SEMA3E: variants seen among roughly 807,000 people sequenced by gnomAD.
SEMA3E encodes semaphorin 3E, also known as semaphorin-3E.
In SEMA3E, 49 loss-of-function variants were observed where a neutral mutation model predicts 93.6. That is an observed-to-expected ratio of 0.52 (90% CI 0.42 to 0.66). The LOEUF (loss-of-function observed/expected upper bound fraction) is 0.66. Ranked by LOEUF, SEMA3E falls within the 30% of genes least tolerant of loss-of-function variation. SEMA3E has a pLI of 0.00. For synonymous variants in SEMA3E, 363 were observed against 330.7 expected, an observed-to-expected ratio of 1.10 and a Z score of -1.06; for missense variants, 906 against 964.8, an observed-to-expected ratio of 0.94 and a Z score of 0.81.
chr7:83,488,444 A>T (rs144764885), intron 2 of SEMA3E, among the ~76,000 whole-genome samples: 1 of 152,256 alleles, frequency 6.6e-6, no homozygotes, highest in Non-Finnish European at 1.5e-5. Context: ...TTACAACCAA[A>T]ACTTTGAAAT....
chr7:83,647,448 T>C (rs935980574), intron 1 of SEMA3E, among the ~76,000 whole-genome samples: 2 of 152,166 alleles, frequency 1.3e-5, no homozygotes, highest in Non-Finnish European at 2.9e-5. Context: ...TTACATCTGC[T>C]ATCTGTCTCA....
At chr7:83,434,660 G>T (rs186046983) in intron 4 of SEMA3E, among the ~76,000 whole-genome samples, 353 of 151,474 alleles carry the variant, frequency 2.3e-3, no homozygotes, top group Non-Finnish European at 4.2e-3. Flanking sequence ...CCACACTTTG[G>T]CAGAATTGGC....
chr7:83,571,592 C>A (rs1206730608), intron 1 of SEMA3E, among the ~76,000 whole-genome samples: 1 of 152,102 alleles, frequency 6.6e-6, no homozygotes, highest in Non-Finnish European at 1.5e-5. Context: ...TAAGAGCAAT[C>A]TATGACAAAC....
intron 1 of SEMA3E, among the ~76,000 whole-genome samples, chr7:83,620,829 T>C (rs1384004647): frequency 6.6e-6 from 1 of 152,158 alleles, no homozygotes; most frequent in Non-Finnish European, 1.5e-5. Context: ...AAACTAGATA[T>C]TGAAGTAACA....
chr7:83,478,342 T>C (rs1790066216), intron 2 of SEMA3E, among the ~76,000 whole-genome samples: 1 of 152,208 alleles, frequency 6.6e-6, no homozygotes, highest in Non-Finnish European at 1.5e-5. Context: ...AAATATGAAA[T>C]ATTCTATGAG....
At chr7:83,613,451 G>T (rs1693379) in intron 1 of SEMA3E, among the ~76,000 whole-genome samples, 1 of 151,992 alleles carries the variant, frequency 6.6e-6, no homozygotes, top group African/African-American at 2.4e-5. Context: ...ACTGTTTTCA[G>T]AAAGTGCTCT....
rs563672066 is a variant in SEMA3E, at chr7:83,379,428, T to C, written c.1875+5866A>G. ...ACTAGCTACCTCAGAGAAGTTTTGT[T>C]AGTTCTAAATAAGTTACTACATATA... is the stretch of plus-strand genomic sequence containing the variant. On this transcript the variant is annotated intron_variant, in intron 16 of 16. Coordinates refer to ENST00000643230, the MANE Select transcript of SEMA3E (RefSeq NM_012431.3). 4.6e-5 allele frequency among the ~76,000 whole-genome samples: 7 copies of C among 152,034 alleles called. No homozygotes were observed. In the South Asian group the frequency reaches 1.2e-3, roughly 27 times the overall value.
rs72053273 is a variant in SEMA3E, at chr7:83,543,358, C to CTTTTT, written c.116-53089_116-53085dup. 3.7e-3 allele frequency among the ~76,000 whole-genome samples: 557 copies of CTTTTT among 150,994 alleles called. 2 individuals are homozygous for CTTTTT. Among genetic ancestry groups the CTTTTT allele is most frequent in the Middle Eastern group, 0.014 (4 of 290 alleles). On this transcript the variant is annotated intron_variant, in intron 1 of 16. Coordinates refer to ENST00000643230, the MANE Select transcript of SEMA3E (RefSeq NM_012431.3). ...CAGCAATAAAATAAAACTGAATGAACTTTTTTTTTATTAAACAAGACAAAA... is the reference window on the plus strand; with the variant it reads ...CAGCAATAAAATAAAACTGAATGAACTTTTTTTTTTTTTTATTAAACAAGACAAAA...
At chr7:83,512,042 T>G (rs1217235414) in intron 1 of SEMA3E, among the ~76,000 whole-genome samples, 1 of 152,164 alleles carries the variant, frequency 6.6e-6, no homozygotes, top group Non-Finnish European at 1.5e-5. Context: ...TACGATTCAT[T>G]AGTTTTATTT....
intron 4 of SEMA3E, among the ~76,000 whole-genome samples, chr7:83,443,501 C>G (rs537239080): frequency 6.6e-6 from 1 of 152,130 alleles, no homozygotes; most frequent in Non-Finnish European, 1.5e-5. Flanking sequence ...TTTATTTGCA[C>G]AGCCTGATAG....
chr7:83,590,208 C>T lies in SEMA3E; in HGVS notation c.115+58220G>A, dbSNP rs182099426. Reference sequence around the variant, plus strand: ...TGAAAGTGCTCTCCCTTCATAGTCCCTATTCTGTTTTCTAGAGTTAACTTT... The same window carrying T: ...TGAAAGTGCTCTCCCTTCATAGTCCTTATTCTGTTTTCTAGAGTTAACTTT... On this transcript the variant is annotated intron_variant, in intron 1 of 16. Coordinates refer to ENST00000643230, the MANE Select transcript of SEMA3E (RefSeq NM_012431.3). Among the ~76,000 whole-genome samples, 274 of 152,172 alleles carry T rather than the reference C, an allele frequency of 1.8e-3. 3 individuals carry two copies. Among genetic ancestry groups the T allele is most frequent in the Middle Eastern group, 3.4e-3 (1 of 292 alleles).
intron 1 of SEMA3E, among the ~76,000 whole-genome samples, chr7:83,519,929 C>T (rs73378707): frequency 0.019 from 2,916 of 152,100 alleles, 91 homozygotes; most frequent in African/African-American, 0.067. Context: ...GACTAGATTA[C>T]CTTATCTGTC....
At chr7:83,406,142 C>A in intron 7 of SEMA3E, 83 bp from the exon 8 acceptor site, 1 of 1,001,360 alleles carries the variant, frequency 1.0e-6, no homozygotes, top group Non-Finnish European at 1.6e-6. Context: ...CATGCAGTTG[C>A]CAAGAGTTAT....
At chr7:83,520,659 T>G (rs1018406893) in intron 1 of SEMA3E, among the ~76,000 whole-genome samples, 2 of 152,166 alleles carry the variant, frequency 1.3e-5, no homozygotes, top group African/African-American at 4.8e-5. Context: ...ATACACCGTA[T>G]TTAAGATACT....
chr7:83,383,233 CTTATCAAAATAAAGATTTGATAAGAAAG>C, intron 16 of SEMA3E, among the ~76,000 whole-genome samples: 1 of 43,350 alleles, frequency 2.3e-5, no homozygotes, highest in East Asian at 8.0e-4. Flanking sequence ...AAAGTGATTT[CTTATCAAAATAAAGATTTGATAAGAAAG>C]TGATTTCTTA....
At chr7:83,634,195 C>T (rs1395931306) in intron 1 of SEMA3E, among the ~76,000 whole-genome samples, 1 of 152,096 alleles carries the variant, frequency 6.6e-6, no homozygotes, top group Non-Finnish European at 1.5e-5. Context: ...CTAAACATAA[C>T]CACATACAAT....
In SEMA3E at chr7:83,405,503, T is replaced by C; in HGVS notation, c.945A>G (p.Leu315=). 6.2e-7 allele frequency: 1 copy of C among 1,613,022 alleles called. No homozygotes were observed. The highest frequency in any genetic ancestry group is 8.5e-7 in the Non-Finnish European group (1 of 1,179,288). The stretch of plus-strand genomic sequence containing the variant: ...CTGGATTCTTATGATCTCTGGTAGG[T>C]AGCAAAAAAACGTCCTCTGAAAAAT... ...YFDELEDVFL[L]PTRDHKNPVI... is the part of the protein sequence containing the mutation. The change falls in exon 9 of 17, where the codon CTA becomes CTG. Residue 315 remains leucine, a synonymous_variant. Transcript: ENST00000643230.
intron 11 of SEMA3E, 107 bp downstream of exon 11, chr7:83,399,921 T>C: frequency 1.1e-6 from 1 of 922,184 alleles, no homozygotes; most frequent in Non-Finnish European, 1.8e-6. Flanking sequence ...TGTGAAATTG[T>C]TTAACAGATG....
intron 1 of SEMA3E, among the ~76,000 whole-genome samples, chr7:83,626,291 C>T (rs577542758): frequency 6.6e-6 from 1 of 152,104 alleles, no homozygotes; most frequent in African/African-American, 2.4e-5. Context: ...GTAGCAGCTC[C>T]TCTTTGTACC....
Sources: gnomAD v4.1 joint callset for allele counts (sites outside exome capture counted in the v4.1 genomes callset) on GRCh38, gnomAD v4.1.1 for gene constraint, MANE v1.5 for transcripts, NCBI Gene and HGNC (gene_info 2026-07-23, HGNC 2026-07-21) for gene names.